The following PPM1J variants were observed in gnomAD, a reference collection of about 807,000 sequenced individuals.
PPM1J encodes the protein protein phosphatase 1J.
Under a neutral mutation model 53.3 loss-of-function variants are expected in PPM1J, and 43 were observed. The ratio of observed to expected loss-of-function variants is 0.81; its 90% CI spans 0.63 to 1.04. The LOEUF (loss-of-function observed/expected upper bound fraction) is 1.04, where lower values mean the gene tolerates loss of function less well. Among genes scored for constraint, PPM1J ranks in the 50% least tolerant of loss-of-function variants. The pLI, the probability that PPM1J is intolerant of heterozygous loss-of-function variation, is 0.00. For missense variants in PPM1J, 635 were observed against 685.9 expected, an observed-to-expected ratio of 0.93 and a Z score of 0.83; for synonymous variants, 267 against 286.4, an observed-to-expected ratio of 0.93 and a Z score of 0.68.
chr1:112,711,637 T>C (rs1276153263), intron 5 of PPM1J, among the ~76,000 whole-genome samples: 1 of 152,184 alleles, frequency 6.6e-6, no homozygotes, highest in Non-Finnish European at 1.5e-5. Flanking sequence ...CAGACCAGGA[T>C]GCATCCCGGG....
rs371174976 is a variant in PPM1J at position 112,710,862 on chromosome 1, T to C, written c.1111-11A>G. On this transcript the variant is annotated splice_polypyrimidine_tract_variant and intron_variant, in intron 7 of 9. Transcript: ENST00000309276. ...GGCCATCACCCGAGCCTGAAAGAAA[T>C]GAGGAGGGAGTGCCACTGTAGTCCT... is the stretch of plus-strand genomic sequence containing the variant. The C allele has an allele frequency of 6.2e-6, 10 of 1,612,784 alleles. No homozygotes were observed. The African/African-American group carries it at 1.2e-4, about 19-fold the overall frequency.
At position 112,712,886 on chromosome 1, in the gene PPM1J, A is replaced by C; in HGVS notation, c.587T>G (p.Leu196Arg). 1.2e-6 allele frequency: 2 copies of C among 1,613,956 alleles called. No homozygotes were observed. The highest frequency in any genetic ancestry group is 1.7e-6 in the Non-Finnish European group (2 of 1,180,012). Residue 196 changes from leucine (L) to arginine (R), a missense_variant, in exon 3 of 10, where the codon CTC (leucine) becomes CGC (arginine). Coordinates refer to ENST00000309276, the MANE Select transcript of PPM1J (RefSeq NM_005167.7). ...EILQDPSPPP[L>R]CLPTTPGTPD... is the part of the protein sequence containing the mutation. ...GGTCCCCGGAGTGGTTGGGAGGCAG[A>C]GGGGTGGTGGCGAAGGGTCCTGAAG...
Position 112,712,978 on chromosome 1 carries a change from A to T in PPM1J, c.495T>A (p.Ala165=). 2.5e-6 allele frequency: 4 copies of T among 1,613,122 alleles called. No homozygotes were observed. Among genetic ancestry groups the T allele is most frequent in the Non-Finnish European group, 3.4e-6 (4 of 1,179,646 alleles). The change falls in exon 3 of 10, where the codon GCT becomes GCA. Residue 165 remains alanine, a synonymous_variant. Transcript: ENST00000309276. ...GCAGGAGCCGTGAGGCCATTTCAGC[A>T]GCTCCGCCCCCTGCATGCCCATCAA... ...GLFDGHAGGG[A]AEMASRLLHR... is the part of the protein sequence containing the mutation.
chr1:112,711,523 T>C, intron 5 of PPM1J, 139 bp from the exon 6 acceptor site: 1 of 612,686 alleles, frequency 1.6e-6, no homozygotes, highest in South Asian at 2.0e-5. Flanking sequence ...TATTAGCAAA[T>C]ATTAACTCAT....
intron 5 of PPM1J, chr1:112,711,605 G>A (rs1675062056): frequency 5.4e-6 from 3 of 557,108 alleles, no homozygotes; most frequent in Non-Finnish European, 9.5e-6. Context: ...AACTGCTCCG[G>A]TCACACAATT....
chr1:112,711,858 G>A (rs1370541522), intron 5 of PPM1J, 113 bp downstream of exon 5: 1 of 733,462 alleles, frequency 1.4e-6, no homozygotes, highest in East Asian at 2.7e-5. Flanking sequence ...GGCCTTCCCA[G>A]TAAAGTGCTT....
chr1:112,713,676 T>G, intron 1 of PPM1J, 65 bp from the exon 2 acceptor site: 1 of 1,272,392 alleles, frequency 7.9e-7, no homozygotes, highest in Non-Finnish European at 1.2e-6. Context: ...ACCCCCACCT[T>G]AGACACACAC....
chr1:112,715,240 G>A lies in PPM1J; in HGVS notation c.62C>T (p.Pro21Leu). Reference sequence around the variant, plus strand: ...GGGCAGGTCCGGGGATTTGGGGCGCGGAGGCGGAGCGCCCCCGGAGCTCAC... The same window carrying A: ...GGGCAGGTCCGGGGATTTGGGGCGCAGAGGCGGAGCGCCCCCGGAGCTCAC... ...HLVSSGGAPP[P>L]RPKSPDLPNA... The change falls in exon 1 of 10, where the codon CCG becomes CTG. Residue 21 changes from proline (P) to leucine (L), a missense_variant. Transcript: ENST00000309276. The surrounding 1 kb of genome is among the most constrained non-coding windows in gnomAD (Gnocchi z 4.4). The A allele has an allele frequency of 1.4e-6, 2 of 1,383,150 alleles. No individual in the cohort carries two copies. Among genetic ancestry groups the A allele is most frequent in the South Asian group, 3.3e-5 (2 of 60,446 alleles). The allele number at this position is 1,383,150 out of a possible 1,614,324, so 85.7% of individuals were successfully genotyped here.
chr1:112,710,081 G>T lies in PPM1J; in HGVS notation c.*82C>A. 6.8e-7 allele frequency: 1 copy of T among 1,479,442 alleles called. No individual in the cohort carries two copies. Among genetic ancestry groups the T allele is most frequent in the South Asian group, 1.5e-5 (1 of 65,314 alleles). 91.6% of individuals were successfully genotyped at this position (1,479,442 alleles called of 1,614,324 possible). On this transcript the variant is annotated 3_prime_UTR_variant, in exon 10 of 10. Coordinates refer to ENST00000309276, the MANE Select transcript of PPM1J (RefSeq NM_005167.7). ...CTTCAGTTAAGTTGCCACTAAAGAA[G>T]GGTCAGGGAGACAACTTCAGAATTT... is the stretch of plus-strand genomic sequence containing the variant.
rs1675084040 is a variant in PPM1J at position 112,712,360 on chromosome 1, T to C, written c.827A>G (p.Asn276Ser). ...TCCCCCATACCTGCTATCGCCTGCATTGGCCACGTACACCTTGCCTAGCAG... is the reference window on the plus strand; with the variant it reads ...TCCCCCATACCTGCTATCGCCTGCACTGGCCACGTACACCTTGCCTAGCAG... The part of the protein sequence containing the change: ...IYLLGKVYVA[N>S]AGDSRAIIVR... Residue 276 changes from asparagine to serine, a missense_variant, in exon 4 of 10, where the codon AAT (asparagine) becomes AGT (serine). Physicochemically the swap from Asn to Ser is conservative, Grantham distance 46 (BLOSUM62 1). Coordinates refer to ENST00000309276, the MANE Select transcript of PPM1J (RefSeq NM_005167.7). The C allele has an allele frequency of 1.2e-6, 2 of 1,613,096 alleles. No individual in the cohort carries two copies. The highest frequency in any genetic ancestry group is 1.7e-6 in the Non-Finnish European group (2 of 1,179,548).
rs1285839927 is a variant in PPM1J, at chr1:112,710,552, T to A, written c.1278A>T (p.Gly426=). The change falls in exon 9 of 10, where the codon GGA becomes GGT. Residue 426 remains glycine, a synonymous_variant. Coordinates refer to ENST00000309276, the MANE Select transcript of PPM1J (RefSeq NM_005167.7). ...EHCPDDVLVL[G]TDGLWDVTTD... ...TAGTGACATCCCACAGGCCATCTGT[T>A]CCCAGGACTAGCACATCATCTGGGC... is the stretch of plus-strand genomic sequence containing the variant. The A allele has an allele frequency of 3.7e-6, 6 of 1,614,054 alleles. No individual in the cohort carries two copies. Among genetic ancestry groups the A allele is most frequent in the Non-Finnish European group, 5.1e-6 (6 of 1,180,026 alleles).
intron 2 of PPM1J, 117 bp downstream of exon 2, chr1:112,713,380 G>C (rs1328206419): frequency 1.4e-6 from 1 of 721,190 alleles, no homozygotes; most frequent in Non-Finnish European, 2.5e-6. Context: ...TTCTGTGCCA[G>C]AAGGTAGATA....
intron 1 of PPM1J, 61 bp downstream of exon 1, chr1:112,714,915 G>A: frequency 7.6e-7 from 1 of 1,321,394 alleles, no homozygotes; most frequent in Non-Finnish European, 9.7e-7. Flanking sequence ...CGCCGGGGAT[G>A]CGGAGCTGGG....
At chr1:112,713,638 G>C in intron 1 of PPM1J, 27 bp from the exon 2 acceptor site, 1 of 1,557,910 alleles carries the variant, frequency 6.4e-7, no homozygotes, top group Non-Finnish European at 8.9e-7. Context: ...ACCACATCAG[G>C]TTGGACACCA....
At position 112,712,857 on chromosome 1, in the gene PPM1J, C is replaced by G. The variant is rs1035592174; in HGVS notation, c.616G>C (p.Asp206His). ...AGCAAGTGAGAGGGATCGGAGGAAT[C>G]TGGGGTCCCCGGAGTGGTTGGGAGG... ...LCLPTTPGTP[D>H]SSDPSHLLGP... The change falls in exon 3 of 10, where the codon GAT becomes CAT. Residue 206 changes from aspartate to histidine, a missense_variant. Coordinates refer to ENST00000309276, the MANE Select transcript of PPM1J (RefSeq NM_005167.7). 6.2e-7 allele frequency: 1 copy of G among 1,613,888 alleles called. No homozygotes were observed. Among genetic ancestry groups the G allele is most frequent in the Middle Eastern group, 1.7e-4 (1 of 5,866 alleles).
At position 112,710,463 on chromosome 1, in the gene PPM1J, C is replaced by A; in HGVS notation, c.1367G>T (p.Ser456Ile). Residue 456 changes from serine (S) to isoleucine (I), a missense_variant, in exon 9 of 10, where the codon AGC becomes ATC. Ser to Ile is a moderately radical substitution (Grantham distance 142). Coordinates refer to ENST00000309276, the MANE Select transcript of PPM1J (RefSeq NM_005167.7). The part of the protein sequence containing the change: ...VLSAYEPNDH[S>I]RYTALAQALV... ...CACCATGCCATGCAGCCCCTACCTGCTGTGGTCATTAGGCTCATAGGCCGA... is the reference window on the plus strand; with the variant it reads ...CACCATGCCATGCAGCCCCTACCTGATGTGGTCATTAGGCTCATAGGCCGA... 1 of 1,613,868 alleles carries A rather than the reference C, an allele frequency of 6.2e-7. No homozygotes were observed. The highest frequency in any genetic ancestry group is 1.1e-5 in the South Asian group (1 of 91,066).
In PPM1J at chr1:112,715,317, C is replaced by T; in HGVS notation, c.-16G>A. 8.1e-7 allele frequency: 1 copy of T among 1,233,180 alleles called. No homozygotes were observed. Among genetic ancestry groups the T allele is most frequent in the East Asian group, 3.3e-5 (1 of 30,748 alleles). The allele number at this position is 1,233,180 out of a possible 1,614,324, so 76.4% of individuals were successfully genotyped here. A position where few individuals can be genotyped will look rare whatever the true frequency, so the allele number is the denominator to read the frequency against. ...GGTTTAGCATGCTGCCTCCCTGCCC[C>T]GCCCTCGGCCGCGGCCCCGCCCCCG... On this transcript the variant is annotated 5_prime_UTR_variant, in exon 1 of 10. Transcript: ENST00000309276. This position sits in a 1 kb window ranked among gnomAD's most constrained non-coding sequence, Gnocchi z 4.4.
intron 1 of PPM1J, chr1:112,714,626 C>G: frequency 1.8e-6 from 2 of 1,123,532 alleles, no homozygotes; most frequent in Non-Finnish European, 2.2e-6. Flanking sequence ...TCGTGAAACC[C>G]CTTTTCCCTT....
intron 1 of PPM1J, chr1:112,714,723 G>C (rs941176292): frequency 8.0e-7 from 1 of 1,246,800 alleles, no homozygotes; most frequent in East Asian, 3.2e-5. Context: ...GGGCAGAACA[G>C]GGTCCTGAGG....
Sources: gnomAD v4.1 joint callset for allele counts (sites outside exome capture counted in the v4.1 genomes callset) on GRCh38, gnomAD v4.1.1 for gene constraint, Gnocchi (gnomAD v3.1) non-coding constraint, MANE v1.5 for transcripts, NCBI Gene and HGNC (gene_info 2026-07-23, HGNC 2026-07-21) for gene names.